Variants in TEFM observed in about 807,000 individuals in gnomAD.
TEFM encodes the protein transcription elongation factor, mitochondrial, also known as transcription elongation factor of mitochondria.
TEFM carries 14 observed loss-of-function variants against 23.0 expected under a neutral mutation model. That is an observed-to-expected ratio of 0.61 (90% CI 0.40 to 0.95). The LOEUF (loss-of-function observed/expected upper bound fraction) is 0.95. TEFM is among the 40% of genes least tolerant of loss of function. The probability of loss-of-function intolerance (pLI) is 0.00; values close to 1 mark genes in which losing one functional copy is unlikely to be tolerated. For missense variants in TEFM, 386 were observed against 425.5 expected, an observed-to-expected ratio of 0.91 and a Z score of 0.82; for synonymous variants, 155 against 158.3, an observed-to-expected ratio of 0.98 and a Z score of 0.16.
At chr17:30,905,284 G>T (rs528893281) in intron 1 of TEFM, among the ~76,000 whole-genome samples, 18 of 152,100 alleles carry the variant, frequency 1.2e-4, no homozygotes, top group Non-Finnish European at 1.9e-4. Context: ...ACTTTGGGAG[G>T]CCGAGGTGGG....
chr17:30,900,779 T>TTA lies in TEFM; in HGVS notation c.496-218_496-217insTA, dbSNP rs35756785. Among the ~76,000 whole-genome samples, 7 of 149,488 alleles carry TTA rather than the reference T, an allele frequency of 4.7e-5. No homozygotes were observed. In the South Asian group the frequency reaches 6.3e-4, roughly 13 times the overall value. On this transcript the variant is annotated intron_variant, in intron 2 of 3. Coordinates refer to ENST00000581216, the MANE Select transcript of TEFM (RefSeq NM_024683.4). ...ACCACGCCCGGCTAATTTTTTTATT[T>TTA]TTTTTTTTAGTAGAGATGGGGTTTT...
rs757310679 is a variant in TEFM at position 30,904,402 on chromosome 17, A to G, written c.159T>C (p.Asn53=). Residue 53 remains asparagine (N), a synonymous_variant, in exon 2 of 4, where the codon AAT becomes AAC. Transcript: ENST00000581216. The stretch of plus-strand genomic sequence containing the variant: ...CAAGTGCATTTTCGGGCTCCTTTGC[A>G]TTTTCATCACAAAAAGTAACATTGG... ...ITPNVTFCDE[N]AKEPENALDK... is the part of the protein sequence containing the mutation. 1 of 1,614,092 alleles carries G rather than the reference A, an allele frequency of 6.2e-7. No individual in the cohort carries two copies. The highest frequency in any genetic ancestry group is 1.7e-5 in the Admixed American group (1 of 60,000).
intron 2 of TEFM, among the ~76,000 whole-genome samples, chr17:30,901,564 C>T (rs1910047201): frequency 6.6e-6 from 1 of 152,206 alleles, no homozygotes; most frequent in Admixed American, 6.5e-5. Context: ...GAAGTTATTT[C>T]ACCCAGATGT....
chr17:30,900,439 A>G lies in TEFM; in HGVS notation c.619T>C (p.Tyr207His). The G allele has an allele frequency of 1.9e-6, 3 of 1,614,152 alleles. No homozygotes were observed. The highest frequency in any genetic ancestry group is 2.2e-5 in the South Asian group (2 of 91,086). The stretch of plus-strand genomic sequence containing the variant: ...TCTTCTAAATAGACTGATGATGAGT[A>G]TATTCCTCTCATTAAACTCCAACGG... ...SDRWSLMRGI[Y>H]SSSVYLEEIS... Residue 207 changes from tyrosine to histidine, a missense_variant, in exon 3 of 4, where the codon TAC becomes CAC. Tyr to His is a moderately conservative substitution (Grantham distance 83). Coordinates refer to ENST00000581216, the MANE Select transcript of TEFM (RefSeq NM_024683.4).
rs754410641 is a variant in TEFM at position 30,906,203 on chromosome 17, A to G, written c.-5T>C. 4 of 1,614,082 alleles carry G rather than the reference A, an allele frequency of 2.5e-6. No individual in the cohort carries two copies. The highest frequency in any genetic ancestry group is 3.4e-6 in the Non-Finnish European group (4 of 1,180,030). Reference sequence around the variant, plus strand: ...GAAGAGGACAGACCCGCTCATCTCCAAGTTGAATCAGTAGGTCCAGTCTTC... The same window carrying G: ...GAAGAGGACAGACCCGCTCATCTCCGAGTTGAATCAGTAGGTCCAGTCTTC... On this transcript the variant is annotated 5_prime_UTR_variant, in exon 1 of 4. Coordinates refer to ENST00000581216, the MANE Select transcript of TEFM (RefSeq NM_024683.4).
At chr17:30,902,893 A>T (rs1910071917) in intron 2 of TEFM, among the ~76,000 whole-genome samples, 1 of 152,158 alleles carries the variant, frequency 6.6e-6, no homozygotes, top group Non-Finnish European at 1.5e-5. Context: ...CTGTAATCTC[A>T]GCACTTCGGG....
chr17:30,905,215 T>TATTTCCTGTTA (rs1176135262), intron 1 of TEFM, among the ~76,000 whole-genome samples: 1 of 152,106 alleles, frequency 6.6e-6, no homozygotes, highest in Non-Finnish European at 1.5e-5. Context: ...TTGTAACTAA[T>TATTTCCTGTTA]ATTTCCTGTT....
intron 3 of TEFM, 140 bp from the exon 4 acceptor site, chr17:30,899,746 A>C: frequency 1.7e-6 from 1 of 597,370 alleles, no homozygotes; most frequent in Non-Finnish European, 2.6e-6. Flanking sequence ...ATAACTGAAA[A>C]AGCCATTTTA....
At chr17:30,900,912 G>A (rs528070847) in intron 2 of TEFM, among the ~76,000 whole-genome samples, 7 of 152,078 alleles carry the variant, frequency 4.6e-5, no homozygotes, top group South Asian at 2.1e-4. Flanking sequence ...GGCCAGAAGT[G>A]TAAATATTTT....
chr17:30,899,357 G>C lies in TEFM; in HGVS notation c.895C>G (p.Leu299Val). 1 of 1,614,198 alleles carries C rather than the reference G, an allele frequency of 6.2e-7. No homozygotes were observed. Among genetic ancestry groups the C allele is most frequent in the Middle Eastern group, 1.6e-4 (1 of 6,062 alleles). The change falls in exon 4 of 4, where the codon CTA becomes GTA. Residue 299 changes from leucine (L) to valine (V), a missense_variant. By Grantham distance (32) the Leu-to-Val change is conservative. Coordinates refer to ENST00000581216, the MANE Select transcript of TEFM (RefSeq NM_024683.4). Reference sequence around the variant, plus strand: ...GAATCGAAGAGAAACTGCTTCACTAGCTCTTTTCCACTAGTCCGGGAGTCA... The same window carrying C: ...GAATCGAAGAGAAACTGCTTCACTACCTCTTTTCCACTAGTCCGGGAGTCA... ...IGDSRTSGKE[L>V]VKQFLFDSIL...
At chr17:30,900,312 A>G (rs755540929) in intron 3 of TEFM, 101 bp downstream of exon 3, 163 of 1,177,192 alleles carry the variant, frequency 1.4e-4, no homozygotes, top group Non-Finnish European at 2.6e-5. Flanking sequence ...TACCAGAAGA[A>G]AACCCATCTT....
At chr17:30,901,454 C>T (rs1006914172) in intron 2 of TEFM, among the ~76,000 whole-genome samples, 1 of 152,132 alleles carries the variant, frequency 6.6e-6, no homozygotes, top group Non-Finnish European at 1.5e-5. Flanking sequence ...AAACAACAAA[C>T]GTAACTGTAC....
Position 30,904,521 on chromosome 17 carries a change from T to G in TEFM, c.40A>C (p.Arg14=). The change falls in exon 2 of 4, where the codon AGA becomes CGA. Residue 14 remains arginine, a synonymous_variant. Coordinates refer to ENST00000581216, the MANE Select transcript of TEFM (RefSeq NM_024683.4). ...SVLFTAGERW[R]CFLTPSRSSL... is the part of the protein sequence containing the mutation. ...GACCTCGACGGGGTCAGAAAGCATC[T>G]CCACCTCTCTAAAAGGAAAATTTAG... is the stretch of plus-strand genomic sequence containing the variant. 6.3e-7 allele frequency: 1 copy of G among 1,593,826 alleles called. No individual in the cohort carries two copies. The highest frequency in any genetic ancestry group is 8.5e-7 in the Non-Finnish European group (1 of 1,171,116).
At chr17:30,899,846 C>T (rs1395573536) in intron 3 of TEFM, 1 of 328,084 alleles carries the variant, frequency 3.0e-6, no homozygotes. Flanking sequence ...TTGATCTGTA[C>T]AGTGGACTTC....
Position 30,904,412 on chromosome 17 carries a change from C to CA in TEFM, c.148dup (p.Cys50LeufsTer2). The CA allele has an allele frequency of 6.2e-7, 1 of 1,614,134 alleles. No individual in the cohort carries two copies. The highest frequency in any genetic ancestry group is 8.5e-7 in the Non-Finnish European group (1 of 1,180,024). On this transcript the variant is annotated frameshift_variant, in exon 2 of 4. Coordinates refer to ENST00000581216, the MANE Select transcript of TEFM (RefSeq NM_024683.4). LOFTEE classifies it high-confidence loss of function. ...TTCGGGCTCCTTTGCATTTTCATCA[C>CA]AAAAAGTAACATTGGGAGTAATTTT... is the stretch of plus-strand genomic sequence containing the variant.
intron 2 of TEFM, 30 bp from the exon 3 acceptor site, chr17:30,900,592 T>C (rs1364608058): frequency 4.4e-6 from 7 of 1,588,784 alleles, no homozygotes; most frequent in Non-Finnish European, 5.1e-6. Context: ...TAATTAGAAG[T>C]ATAAACATTT....
rs114376590 is a variant in TEFM at position 30,905,115 on chromosome 17, T to C, written c.32-586A>G. Among the ~76,000 whole-genome samples, 327 of 152,342 alleles carry C rather than the reference T, an allele frequency of 2.1e-3. 1 individual carries two copies. Among genetic ancestry groups the C allele is most frequent in the African/African-American group, 7.7e-3 (320 of 41,586 alleles). ...GTCCGAAGTTTTACTACCTAGAAAATTGTATTTTATACCCATCAGGAAGCA... is the reference window on the plus strand; with the variant it reads ...GTCCGAAGTTTTACTACCTAGAAAACTGTATTTTATACCCATCAGGAAGCA... On this transcript the variant is annotated intron_variant, in intron 1 of 3. Transcript: ENST00000581216.
rs191212824 is a variant in TEFM at position 30,899,566 on chromosome 17, T to C, written c.686A>G (p.Tyr229Cys). 8.5e-5 allele frequency: 134 copies of C among 1,585,136 alleles called. No homozygotes were observed. Among genetic ancestry groups the C allele is most frequent in the Middle Eastern group, 1.7e-4 (1 of 5,924 alleles). The change falls in exon 4 of 4, where the codon TAT becomes TGT. Residue 229 changes from tyrosine to cysteine, a missense_variant. By Grantham distance (194) the Tyr-to-Cys change is radical. Coordinates refer to ENST00000581216, the MANE Select transcript of TEFM (RefSeq NM_024683.4). ...GGAAAGTCCTGTTTTTTCCAGAACA[T>C]AGAAATCTGCTTTAGGCATCTTTGA... ...IISKMPKADF[Y>C]VLEKTGLSIQ...
At chr17:30,902,618 G>A (rs1225006652) in intron 2 of TEFM, among the ~76,000 whole-genome samples, 1 of 152,212 alleles carries the variant, frequency 6.6e-6, no homozygotes, top group Non-Finnish European at 1.5e-5. Flanking sequence ...GTCCATGAGT[G>A]GACTTAACAG....
Sources: allele counts gnomAD v4.1 joint callset (sites outside exome capture counted in the v4.1 genomes callset), GRCh38; gene constraint gnomAD v4.1.1; transcripts MANE v1.5; gene names NCBI Gene and HGNC (gene_info 2026-07-23, HGNC 2026-07-21).